NELL2: variants seen among roughly 807,000 people sequenced by gnomAD.
The protein encoded by NELL2 is neural EGFL like 2, also known as protein kinase C-binding protein NELL2.
Under a neutral mutation model 109.6 loss-of-function variants are expected in NELL2, and 41 were observed. The ratio of observed to expected loss-of-function variants is 0.37; its 90% CI spans 0.29 to 0.49. NELL2 has a LOEUF of 0.49. NELL2 is among the 20% of genes least tolerant of loss of function. NELL2 has a pLI of 0.98. For missense variants in NELL2, 900 were observed against 1,008.3 expected (o/e 0.89, Z 1.45); for synonymous variants, 355 against 344.7 (o/e 1.03, Z -0.33).
intron 13 of NELL2, among the ~76,000 whole-genome samples, chr12:44,657,991 A>G (rs1947575849): frequency 6.6e-6 from 1 of 152,146 alleles, no homozygotes; most frequent in African/African-American, 2.4e-5. Flanking sequence ...TTGGGTATAT[A>G]CCCAAAAATG....
chr12:44,642,697 C>T (rs1444686320), intron 13 of NELL2, among the ~76,000 whole-genome samples: 1 of 152,092 alleles, frequency 6.6e-6, no homozygotes, highest in Non-Finnish European at 1.5e-5. Flanking sequence ...GCCTGGCCAA[C>T]ATGATGAAAC....
In NELL2 at chr12:44,598,474, A is replaced by G. The variant is rs17570956; in HGVS notation, c.1663+8695T>C. On this transcript the variant is annotated intron_variant, in intron 15 of 19. Coordinates refer to ENST00000429094, the MANE Select transcript of NELL2 (RefSeq NM_001145108.2). ...TGTTCCTCCTCATTTACATTCTCTC[A>G]TCATAAGTTTCACCTCACAGTCTGC... Among the ~76,000 whole-genome samples the G allele has an allele frequency of 7.1e-3, 1,085 of 152,180 alleles. 4 individuals are homozygous for G. The highest frequency in any genetic ancestry group is 0.011 in the Non-Finnish European group (732 of 68,008).
intron 12 of NELL2, among the ~76,000 whole-genome samples, chr12:44,682,367 T>C (rs566137332): frequency 7.3e-5 from 11 of 151,642 alleles, no homozygotes; most frequent in African/African-American, 2.4e-4. Context: ...ATTTTGTGGG[T>C]TGCCTGTTCA....
At chr12:44,607,671 T>C (rs1037814975) in intron 14 of NELL2, among the ~76,000 whole-genome samples, 10 of 152,058 alleles carry the variant, frequency 6.6e-5, no homozygotes, top group Admixed American at 2.6e-4. Context: ...TTGAATCCCA[T>C]GAGGCTCTGA....
chr12:44,683,530 C>G (rs1456009168), intron 12 of NELL2, among the ~76,000 whole-genome samples: 9 of 151,952 alleles, frequency 5.9e-5, no homozygotes. Context: ...AGTTTTTGCC[C>G]ATTCAGTATG....
chr12:44,644,900 A>G (rs572654246), intron 13 of NELL2, among the ~76,000 whole-genome samples: 14 of 151,818 alleles, frequency 9.2e-5, no homozygotes, highest in Non-Finnish European at 1.6e-4. Context: ...TTAGGAAGAA[A>G]AAAAAGTTTG....
At chr12:44,860,921 C>G (rs1944822310) in intron 2 of NELL2, among the ~76,000 whole-genome samples, 2 of 152,160 alleles carry the variant, frequency 1.3e-5, no homozygotes, top group African/African-American at 2.4e-5. Context: ...AGTATCAACT[C>G]AAAGTTCAAA....
intron 15 of NELL2, among the ~76,000 whole-genome samples, chr12:44,560,916 A>G (rs1449738620): frequency 6.6e-6 from 1 of 152,214 alleles, no homozygotes; most frequent in African/African-American, 2.4e-5. Context: ...GTGAACCCGG[A>G]TGCAAAAATC....
intron 15 of NELL2, among the ~76,000 whole-genome samples, chr12:44,533,534 G>T (rs951978092): frequency 3.9e-5 from 6 of 152,090 alleles, no homozygotes; most frequent in Non-Finnish European, 7.4e-5. Flanking sequence ...TGACATTCAG[G>T]TGTGTGCTCC....
intron 9 of NELL2, among the ~76,000 whole-genome samples, chr12:44,745,410 T>G (rs2136511654): frequency 6.6e-6 from 1 of 152,278 alleles, no homozygotes; most frequent in East Asian, 1.9e-4. Context: ...ATGCCCTCTC[T>G]CACCACTCCT....
At chr12:44,582,876 G>A (rs540629020) in intron 15 of NELL2, among the ~76,000 whole-genome samples, 67 of 152,240 alleles carry the variant, frequency 4.4e-4, no homozygotes, top group Admixed American at 1.3e-3. Context: ...ATGAATTGAT[G>A]TCATTTTCTC....
At chr12:44,729,432 GA>G (rs1321886625) in intron 9 of NELL2, among the ~76,000 whole-genome samples, 1 of 151,650 alleles carries the variant, frequency 6.6e-6, no homozygotes, top group Admixed American at 6.6e-5. Flanking sequence ...CAACAAAGGA[GA>G]AAAAGCAGGA....
chr12:44,547,887 G>A (rs1313310925), intron 15 of NELL2, among the ~76,000 whole-genome samples: 3 of 152,076 alleles, frequency 2.0e-5, no homozygotes, highest in Non-Finnish European at 2.9e-5. Flanking sequence ...ATATTTTCAA[G>A]GCTCTTCACA....
Position 44,850,899 on chromosome 12 carries a change from G to A in NELL2, c.184+24326C>T, listed in dbSNP as rs895393676. Among the ~76,000 whole-genome samples the A allele has an allele frequency of 3.3e-5, 5 of 152,270 alleles. No homozygotes were observed. In the South Asian group the frequency reaches 6.2e-4, roughly 19 times the overall value. On this transcript the variant is annotated intron_variant, in intron 2 of 19. Coordinates refer to ENST00000429094, the MANE Select transcript of NELL2 (RefSeq NM_001145108.2). ...CCAAAGATATCAGGAAGTATGAAGT[G>A]CAATTTAGGAGGAGAGTGGTGGTTC...
Position 44,711,273 on chromosome 12 carries a change from C to A in NELL2, c.1189+19G>T. 6.3e-7 allele frequency: 1 copy of A among 1,586,652 alleles called. No individual in the cohort carries two copies. Among genetic ancestry groups the A allele is most frequent in the Admixed American group, 1.7e-5 (1 of 59,766 alleles). On this transcript the variant is annotated intron_variant, in intron 11 of 19. Coordinates refer to ENST00000429094, the MANE Select transcript of NELL2 (RefSeq NM_001145108.2). Reference sequence around the variant, plus strand: ...TAATAACTCTTGCACGTAAACCTTACTTTTCAAAAAAGTCTTACCTTTACA... The same window carrying A: ...TAATAACTCTTGCACGTAAACCTTAATTTTCAAAAAAGTCTTACCTTTACA...
intron 1 of NELL2, among the ~76,000 whole-genome samples, chr12:44,892,945 G>A (rs1261428843): frequency 2.6e-4 from 39 of 151,920 alleles, no homozygotes; most frequent in Non-Finnish European, 1.0e-4. Context: ...TAATCCTACA[G>A]AGGATGTTAT....
intron 18 of NELL2, among the ~76,000 whole-genome samples, chr12:44,520,836 T>A (rs1307176319): frequency 6.6e-6 from 1 of 152,224 alleles, no homozygotes; most frequent in Non-Finnish European, 1.5e-5. Flanking sequence ...AGTTCCCACC[T>A]GTTTCCTATT....
intron 13 of NELL2, among the ~76,000 whole-genome samples, chr12:44,638,764 G>GC (rs1566066207): frequency 6.6e-6 from 1 of 152,180 alleles, no homozygotes; most frequent in East Asian, 1.9e-4. Context: ...TTGTTCAACA[G>GC]CATCTTTGTC....
chr12:44,727,176 T>G (rs535706439), intron 9 of NELL2, among the ~76,000 whole-genome samples: 1 of 152,226 alleles, frequency 6.6e-6, no homozygotes, highest in East Asian at 1.9e-4. Context: ...ACATAAAAAT[T>G]GCACATAGGG....
Sources: gnomAD v4.1 joint callset for allele counts (sites outside exome capture counted in the v4.1 genomes callset) on GRCh38, gnomAD v4.1.1 for gene constraint, MANE v1.5 for transcripts, NCBI Gene and HGNC (gene_info 2026-07-23, HGNC 2026-07-21) for gene names.